The following PTPRD variants were observed in gnomAD, a reference collection of about 807,000 sequenced individuals.
PTPRD encodes the protein receptor-type tyrosine-protein phosphatase delta.
A neutral mutation model predicts 214.5 loss-of-function variants in PTPRD; 34 were observed. The observed-to-expected ratio is 0.16, with a 90% CI of 0.12 to 0.21. The LOEUF (loss-of-function observed/expected upper bound fraction) is 0.21, where lower values mean the gene tolerates loss of function less well. PTPRD is among the 10% of genes least tolerant of loss of function. The probability of loss-of-function intolerance (pLI) is 1.00; values close to 1 mark genes in which losing one functional copy is unlikely to be tolerated. For synonymous variants in PTPRD, 1,128 were observed against 845.7 expected (o/e 1.33, Z -5.79); for missense variants, 2,545 against 2,398.7 (o/e 1.06, Z -1.27).
intron 15 of PTPRD, chr9:8,528,134 T>C: frequency 3.3e-6 from 1 of 305,724 alleles, no homozygotes; most frequent in Admixed American, 4.9e-5. Flanking sequence ...GAAAACATAC[T>C]TTAATAAAAT....
intron 14 of PTPRD, among the ~76,000 whole-genome samples, chr9:8,616,746 A>T (rs888282468): frequency 2.0e-5 from 3 of 152,178 alleles, no homozygotes; most frequent in Non-Finnish European, 4.4e-5. Context: ...TGAGAGATAA[A>T]GACTGCCGAT....
intron 7 of PTPRD, among the ~76,000 whole-genome samples, chr9:9,600,697 C>A (rs1034261189): frequency 2.0e-5 from 3 of 152,042 alleles, no homozygotes; most frequent in African/African-American, 4.8e-5. Flanking sequence ...TTCTATGAAT[C>A]TCACAAGCTA....
intron 5 of PTPRD, among the ~76,000 whole-genome samples, chr9:9,863,940 G>T (rs2063355516): frequency 6.6e-6 from 1 of 151,942 alleles, no homozygotes; most frequent in South Asian, 2.1e-4. Context: ...GAGTTATTTT[G>T]AGTTGGTTGA....
At chr9:8,328,144 A>C (rs538322515) in intron 44 of PTPRD, among the ~76,000 whole-genome samples, 1 of 152,178 alleles carries the variant, frequency 6.6e-6, no homozygotes, top group African/African-American at 2.4e-5. Flanking sequence ...GTGTTTTTGC[A>C]GTGGCTGGTA....
At chr9:9,504,973 T>C (rs1311714550) in intron 8 of PTPRD, among the ~76,000 whole-genome samples, 2 of 151,684 alleles carry the variant, frequency 1.3e-5, no homozygotes, top group African/African-American at 4.8e-5. Flanking sequence ...CAATCCAGAA[T>C]GTCTTTGTTG....
rs569080079 is a variant in PTPRD at position 8,316,260 on chromosome 9, G to T, written c.*1614C>A. On this transcript the variant is annotated 3_prime_UTR_variant, in exon 46 of 46. Coordinates refer to ENST00000381196, the MANE Select transcript of PTPRD (RefSeq NM_002839.4). ...GTGGTAAACAGATAATGCTTTAATA[G>T]AAAGTAACAGATACGAACAGTGAAT... is the stretch of plus-strand genomic sequence containing the variant. The T allele has an allele frequency of 1.7e-5, 4 of 230,042 alleles. No individual in the cohort carries two copies. The highest frequency in any genetic ancestry group is 3.5e-5 in the Non-Finnish European group (4 of 115,896). 14.3% of individuals were successfully genotyped at this position (230,042 alleles called of 1,614,324 possible).
At chr9:9,584,004 T>C (rs2091408776) in intron 7 of PTPRD, among the ~76,000 whole-genome samples, 2 of 152,082 alleles carry the variant, frequency 1.3e-5, no homozygotes, top group South Asian at 4.1e-4. Flanking sequence ...AAGCTAAGTA[T>C]ACAGTGGTAA....
chr9:8,470,183 C>T (rs781470171), intron 31 of PTPRD, among the ~76,000 whole-genome samples: 7 of 152,080 alleles, frequency 4.6e-5, no homozygotes, highest in Non-Finnish European at 7.4e-5. Flanking sequence ...AAAGGCTCTT[C>T]TGTATTTTAA....
intron 3 of PTPRD, among the ~76,000 whole-genome samples, chr9:10,189,218 G>T (rs573648350): frequency 1.6e-4 from 25 of 152,106 alleles, no homozygotes; most frequent in Non-Finnish European, 3.4e-4. Context: ...TCTAGGAAAG[G>T]TCTGGGGAAT....
intron 26 of PTPRD, among the ~76,000 whole-genome samples, chr9:8,494,510 A>C (rs1297814526): frequency 6.6e-6 from 1 of 152,204 alleles, no homozygotes; most frequent in African/African-American, 2.4e-5. Context: ...AAAAACTATC[A>C]TGAGTAAATG....
At chr9:10,567,703 T>G (rs2066050301) in intron 2 of PTPRD, among the ~76,000 whole-genome samples, 1 of 151,980 alleles carries the variant, frequency 6.6e-6, no homozygotes, top group Admixed American at 6.6e-5. Flanking sequence ...AAAAAACCTT[T>G]GGTTTTTCTA....
At chr9:9,789,620 A>G (rs1039809459) in intron 5 of PTPRD, among the ~76,000 whole-genome samples, 1 of 151,322 alleles carries the variant, frequency 6.6e-6, no homozygotes, top group African/African-American at 2.4e-5. Context: ...ACACGATGAA[A>G]CCCCGTCCCT....
At chr9:8,924,244 T>A (rs917350886) in intron 11 of PTPRD, among the ~76,000 whole-genome samples, 10 of 152,262 alleles carry the variant, frequency 6.6e-5, no homozygotes, top group African/African-American at 1.9e-4. Flanking sequence ...CCCAAAATTT[T>A]TAATTCTTTA....
intron 5 of PTPRD, among the ~76,000 whole-genome samples, chr9:9,793,340 A>G (rs999121750): frequency 6.6e-6 from 1 of 152,094 alleles, no homozygotes; most frequent in Non-Finnish European, 1.5e-5. Flanking sequence ...TTACGAAGAC[A>G]TAATCTTTTT....
At chr9:10,097,335 G>C (rs1411094861) in intron 3 of PTPRD, among the ~76,000 whole-genome samples, 1 of 119,918 alleles carries the variant, frequency 8.3e-6, no homozygotes, top group African/African-American at 3.6e-5. Flanking sequence ...GGGCAGTATG[G>C]CCATTTTCAC....
intron 11 of PTPRD, chr9:8,862,401 A>T (rs1300188229): frequency 4.6e-5 from 7 of 152,174 alleles, no homozygotes; most frequent in Admixed American, 3.9e-4. Flanking sequence ...ATTCAAATTC[A>T]ATTGTAAAGA....
chr9:10,591,415 G>A (rs1379093380), intron 2 of PTPRD, among the ~76,000 whole-genome samples: 3 of 152,030 alleles, frequency 2.0e-5, no homozygotes, highest in Admixed American at 2.0e-4. Context: ...ATTTTGTCTT[G>A]TTTTGCTTTG....
chr9:8,521,267 T>A lies in PTPRD; in HGVS notation c.961+10A>T, dbSNP rs372948954. On this transcript the variant is annotated intron_variant, in intron 20 of 45. Transcript: ENST00000381196. ...ACCCAGATCCTCAAAGCATAATCCA[T>A]TGAGCATACCTTTGACAGTGATCTG... 7 of 1,605,660 alleles carry A rather than the reference T, an allele frequency of 4.4e-6. No individual in the cohort carries two copies. Among genetic ancestry groups the A allele is most frequent in the Non-Finnish European group, 6.0e-6 (7 of 1,175,000 alleles).
At chr9:10,516,024 T>C (rs73396217) in intron 2 of PTPRD, among the ~76,000 whole-genome samples, 6,107 of 152,040 alleles carry the variant, frequency 0.04, 389 homozygotes, top group African/African-American at 0.14. Context: ...TGAATAGAGA[T>C]GCAGTGTACA....
Sources: gnomAD v4.1 joint callset for allele counts (sites outside exome capture counted in the v4.1 genomes callset) on GRCh38, gnomAD v4.1.1 for gene constraint, MANE v1.5 for transcripts, NCBI Gene and HGNC (gene_info 2026-07-23, HGNC 2026-07-21) for gene names.